RANBP2: variants seen among roughly 807,000 people sequenced by gnomAD.
The protein encoded by RANBP2 is RAN binding protein 2, also known as E3 SUMO-protein ligase RanBP2.
Under a neutral mutation model 303.6 loss-of-function variants are expected in RANBP2, and 57 were observed. The ratio of observed to expected loss-of-function variants is 0.19; its 90% confidence interval spans 0.15 to 0.23. The LOEUF (loss-of-function observed/expected upper bound fraction) is 0.23. RANBP2 is among the 10% of genes least tolerant of loss of function. The probability of loss-of-function intolerance (pLI) is 1.00; values close to 1 mark genes in which losing one functional copy is unlikely to be tolerated. For synonymous variants in RANBP2, 1,167 were observed against 1,301.5 expected, an observed-to-expected ratio of 0.90 and a Z score of 2.23; for missense variants, 3,138 against 3,780.8, an observed-to-expected ratio of 0.83 and a Z score of 4.46.
At chr2:108,743,446 T>A (rs1558891961) in intron 7 of RANBP2, among the ~76,000 whole-genome samples, 2 of 152,160 alleles carry the variant, frequency 1.3e-5, no homozygotes, top group Non-Finnish European at 2.9e-5. Flanking sequence ...GCTACATTGT[T>A]AAATTTTTTG....
At chr2:109,330,759 A>G in the RANBP2 span, among the ~76,000 whole-genome samples, 15 of 152,178 alleles carry the variant, frequency 9.9e-5, no homozygotes, top group African/African-American at 3.6e-4. Flanking sequence ...AGATAATTCA[A>G]ATACATACAC....
chr2:108,934,235 G>A, the RANBP2 span, among the ~76,000 whole-genome samples: 1 of 152,196 alleles, frequency 6.6e-6, no homozygotes, highest in African/African-American at 2.4e-5. Flanking sequence ...GAGAGGGTGA[G>A]TGGGGTCTGG....
At chr2:109,440,604 A>G in the RANBP2 span, among the ~76,000 whole-genome samples, 4 of 152,218 alleles carry the variant, frequency 2.6e-5, no homozygotes, top group Non-Finnish European at 4.4e-5. Context: ...AGTATATAAA[A>G]CAACAGTTTT....
At chr2:109,525,992 G>A in the RANBP2 span, among the ~76,000 whole-genome samples, 1 of 152,072 alleles carries the variant, frequency 6.6e-6, no homozygotes, top group Non-Finnish European at 1.5e-5. Context: ...TGAGTGGGGA[G>A]GTGGTGTCAC....
At chr2:108,888,699 CT>C in the RANBP2 span, among the ~76,000 whole-genome samples, 3 of 151,706 alleles carry the variant, frequency 2.0e-5, no homozygotes, top group Non-Finnish European at 4.4e-5. Context: ...GTCTTCTTTC[CT>C]TGATTAATTT....
At chr2:109,175,849 TG>T in the RANBP2 span, among the ~76,000 whole-genome samples, 1 of 152,226 alleles carries the variant, frequency 6.6e-6, no homozygotes, top group Admixed American at 6.5e-5. Flanking sequence ...TTTTTAAACA[TG>T]TCTTTTAGTT....
the RANBP2 span, among the ~76,000 whole-genome samples, chr2:109,490,208 A>C: frequency 6.6e-6 from 1 of 152,234 alleles, no homozygotes; most frequent in African/African-American, 2.4e-5. Context: ...TGTAGGCACC[A>C]GCCTTGGAAA....
At chr2:109,084,537 G>A in the RANBP2 span, among the ~76,000 whole-genome samples, 1 of 152,206 alleles carries the variant, frequency 6.6e-6, no homozygotes, top group East Asian at 1.9e-4. Flanking sequence ...CCAAGACCAG[G>A]TTGATGTTGG....
the RANBP2 span, among the ~76,000 whole-genome samples, chr2:109,721,955 T>A: frequency 4.6e-5 from 7 of 152,300 alleles, no homozygotes; most frequent in Admixed American, 4.6e-4. Context: ...GCCAGCTGGC[T>A]CATTTAGGGA....
the RANBP2 span, among the ~76,000 whole-genome samples, chr2:108,935,294 C>T: frequency 6.6e-6 from 1 of 152,184 alleles, no homozygotes; most frequent in Non-Finnish European, 1.5e-5. Context: ...ACTACCATGG[C>T]TTAATCCTCA....
Position 108,766,284 on chromosome 2 carries a change from T to C in RANBP2, c.5745T>C (p.Pro1915=), listed in dbSNP as rs1284731879. The part of the protein sequence containing the change: ...PGNQEKKSEK[P]LENGTGFQAQ... ...ATCAAGAAAAGAAAAGTGAAAAGCC[T>C]CTTGAAAATGGTACTGGCTTCCAGG... Residue 1915 remains proline, a synonymous_variant, in exon 20 of 29, where the codon CCT becomes CCC. Coordinates refer to ENST00000283195, the MANE Select transcript of RANBP2 (RefSeq NM_006267.5). 1 of 1,612,122 alleles carries C rather than the reference T, an allele frequency of 6.2e-7. No homozygotes were observed. The highest frequency in any genetic ancestry group is 8.5e-7 in the Non-Finnish European group (1 of 1,179,968).
chr2:109,589,800 A>G, the RANBP2 span, among the ~76,000 whole-genome samples: 1 of 152,044 alleles, frequency 6.6e-6, no homozygotes, highest in Non-Finnish European at 1.5e-5. Context: ...GAACTTATGC[A>G]TCAATGTTCA....
At chr2:109,130,376 C>T in the RANBP2 span, among the ~76,000 whole-genome samples, 1 of 152,360 alleles carries the variant, frequency 6.6e-6, no homozygotes, top group African/African-American at 2.4e-5. Context: ...ATTCCTTGGC[C>T]GGACTTGTTA....
chr2:109,553,978 T>A, the RANBP2 span, among the ~76,000 whole-genome samples: 2 of 152,204 alleles, frequency 1.3e-5, no homozygotes, highest in Admixed American at 6.5e-5. Context: ...ATTTTTACCA[T>A]AGGGTAATTG....
the RANBP2 span, among the ~76,000 whole-genome samples, chr2:108,981,054 G>A: frequency 3.3e-5 from 5 of 152,218 alleles, no homozygotes; most frequent in Non-Finnish European, 7.3e-5. Flanking sequence ...AGCATGAGCA[G>A]GACTTCCAAT....
the RANBP2 span, among the ~76,000 whole-genome samples, chr2:109,468,304 G>A: frequency 6.6e-6 from 1 of 152,158 alleles, no homozygotes; most frequent in Non-Finnish European, 1.5e-5. Flanking sequence ...AGTACCGTGT[G>A]TCTAAATATA....
chr2:108,925,113 C>T, the RANBP2 span, among the ~76,000 whole-genome samples: 1 of 151,010 alleles, frequency 6.6e-6, no homozygotes, highest in Non-Finnish European at 1.5e-5. Context: ...GGGAGGCCCT[C>T]CAGGGCAAGC....
chr2:108,873,221 T>C, the RANBP2 span, among the ~76,000 whole-genome samples: 5 of 152,234 alleles, frequency 3.3e-5, no homozygotes, highest in African/African-American at 1.2e-4. Flanking sequence ...TTTTGCCTAA[T>C]AGGAATTTAA....
At chr2:109,371,132 T>C in the RANBP2 span, among the ~76,000 whole-genome samples, 1 of 152,196 alleles carries the variant, frequency 6.6e-6, no homozygotes, top group Non-Finnish European at 1.5e-5. Flanking sequence ...CTCACACCTG[T>C]AATCCCAGCA....
Sources: allele counts gnomAD v4.1 joint callset (sites outside exome capture counted in the v4.1 genomes callset), GRCh38; gene constraint gnomAD v4.1.1; transcripts MANE v1.5; gene names NCBI Gene and HGNC (gene_info 2026-07-23, HGNC 2026-07-21).